The following BLTP1 variants were observed in gnomAD, a reference collection of about 807,000 sequenced individuals.
BLTP1 encodes the protein fragile site-associated protein.
the BLTP1 span, chr4:122,258,702 C>T: frequency 6.2e-7 from 1 of 1,612,328 alleles, no homozygotes; most frequent in Non-Finnish European, 8.5e-7. Context: ...CTGTTTCAGC[C>T]ACAGTCAGTG....
the BLTP1 span, among the ~76,000 whole-genome samples, chr4:122,161,711 C>T: frequency 1.3e-5 from 2 of 152,116 alleles, no homozygotes; most frequent in African/African-American, 4.8e-5. Flanking sequence ...AGGCGTGAGC[C>T]ACAACACTCA....
At chr4:122,185,033 C>T in the BLTP1 span, 1 of 985,178 alleles carries the variant, frequency 1.0e-6, no homozygotes, top group Non-Finnish European at 1.2e-6. Flanking sequence ...AGAATGATAG[C>T]AAAACGATAG....
the BLTP1 span, chr4:122,224,871 A>G: frequency 4.7e-6 from 7 of 1,482,882 alleles, no homozygotes; most frequent in East Asian, 2.6e-5. Flanking sequence ...TCTGAGCCAC[A>G]TATAATTTGT....
At chr4:122,178,870 TAATA>T in the BLTP1 span, among the ~76,000 whole-genome samples, 5 of 152,134 alleles carry the variant, frequency 3.3e-5, no homozygotes, top group African/African-American at 7.2e-5. Flanking sequence ...TAAATAAAAA[TAATA>T]AATAGGTTTA....
chr4:122,326,613 T>C, the BLTP1 span, among the ~76,000 whole-genome samples: 7 of 151,818 alleles, frequency 4.6e-5, no homozygotes, highest in South Asian at 1.2e-3. Context: ...TGGAGTGGGT[T>C]CTGCTAACTA....
At chr4:122,277,451 G>A in the BLTP1 span, 2 of 983,706 alleles carry the variant, frequency 2.0e-6, no homozygotes, top group Non-Finnish European at 2.4e-6. Context: ...AGTTGTAGTG[G>A]TAGAAGTCAT....
the BLTP1 span, among the ~76,000 whole-genome samples, chr4:122,193,310 T>G: frequency 2.0e-5 from 3 of 152,038 alleles, no homozygotes; most frequent in East Asian, 5.8e-4. Context: ...TATTAAAGAT[T>G]AGGGGAGAGA....
the BLTP1 span, chr4:122,288,702 T>C: frequency 0.014 from 6,005 of 426,036 alleles, 149 homozygotes; most frequent in African/African-American, 0.078. Flanking sequence ...TAAATCTATT[T>C]TTACTTAACT....
the BLTP1 span, among the ~76,000 whole-genome samples, chr4:122,216,885 A>T: frequency 6.6e-6 from 1 of 152,038 alleles, no homozygotes; most frequent in East Asian, 1.9e-4. Flanking sequence ...TAGAATTTTT[A>T]TGGTTTCGTG....
At chr4:122,361,577 T>C in the BLTP1 span, among the ~76,000 whole-genome samples, 1 of 152,074 alleles carries the variant, frequency 6.6e-6, no homozygotes, top group African/African-American at 2.4e-5. Flanking sequence ...CCAGGAGCGG[T>C]TCAGTAACAG....
At chr4:122,178,101 A>G in the BLTP1 span, 1 of 866,890 alleles carries the variant, frequency 1.2e-6, no homozygotes, top group African/African-American at 1.8e-5. Context: ...ATTGAGAAAC[A>G]TCTTATAGAA....
chr4:122,215,485 T>C, the BLTP1 span: 1 of 985,346 alleles, frequency 1.0e-6, no homozygotes, highest in Non-Finnish European at 1.2e-6. Context: ...GATCAGCTGT[T>C]TGGGGAGAAG....
the BLTP1 span, among the ~76,000 whole-genome samples, chr4:122,338,635 T>C: frequency 9.2e-5 from 14 of 151,738 alleles, no homozygotes; most frequent in Admixed American, 5.3e-4. Flanking sequence ...CCCCCTACCA[T>C]GTATACCGAA....
At chr4:122,153,130 T>G in the BLTP1 span, 1 of 713,934 alleles carries the variant, frequency 1.4e-6, no homozygotes, top group South Asian at 6.3e-5. Flanking sequence ...AGAAGTTGAT[T>G]TTTCTTCCGG....
At chr4:122,178,352 C>T in the BLTP1 span, among the ~76,000 whole-genome samples, 32 of 152,182 alleles carry the variant, frequency 2.1e-4, no homozygotes, top group African/African-American at 7.5e-4. Context: ...CTTTAAAGGC[C>T]AGTTGGTGAG....
At chr4:122,273,502 TG>T in the BLTP1 span, 1 of 868,002 alleles carries the variant, frequency 1.2e-6, no homozygotes, top group African/African-American at 1.8e-5. Flanking sequence ...AAAAAAAAAT[TG>T]TCAGTTTTTT....
At chr4:122,318,332 C>G in the BLTP1 span, 1 of 1,304,400 alleles carries the variant, frequency 7.7e-7, no homozygotes, top group East Asian at 2.3e-5. Context: ...CCTATCATAT[C>G]TACTGCGTAC....
the BLTP1 span, chr4:122,256,099 T>A: frequency 1.0e-6 from 1 of 982,986 alleles, no homozygotes; most frequent in Middle Eastern, 5.2e-4. Flanking sequence ...TTAGAACTTT[T>A]AGGATCTCTC....
chr4:122,235,328 G>T, the BLTP1 span: 1 of 983,054 alleles, frequency 1.0e-6, no homozygotes, highest in Non-Finnish European at 1.2e-6. Flanking sequence ...ACAGCATCCA[G>T]ATAAATACTT....
Sources: allele counts gnomAD v4.1 joint callset (sites outside exome capture counted in the v4.1 genomes callset), GRCh38; gene constraint gnomAD v4.1.1; transcripts MANE v1.5; gene names NCBI Gene and HGNC (gene_info 2026-07-23, HGNC 2026-07-21).